The following IL7 variants were observed in gnomAD, a reference collection of about 807,000 sequenced individuals.
IL7 encodes interleukin 7.
Under a neutral mutation model 21.6 loss-of-function variants are expected in IL7, and 3 were observed. The ratio of observed to expected loss-of-function variants is 0.14; its 90% CI spans 0.06 to 0.36. The LOEUF is 0.36. IL7 is among the 10% of genes least tolerant of loss of function. The probability of loss-of-function intolerance (pLI) is 1.00; values close to 1 mark genes in which losing one functional copy is unlikely to be tolerated. For missense variants in IL7, 175 were observed against 200.2 expected (o/e 0.87, Z 0.76); for synonymous variants, 62 against 68.1 (o/e 0.91, Z 0.44).
chr8:78,706,523 C>G (rs757513366), intron 3 of IL7, among the ~76,000 whole-genome samples: 15 of 152,090 alleles, frequency 9.9e-5, no homozygotes, highest in Non-Finnish European at 1.5e-5. Flanking sequence ...TTCCCAGGGT[C>G]ACACGTTCAC....
At chr8:78,721,862 A>G (rs1811244916) in intron 3 of IL7, among the ~76,000 whole-genome samples, 1 of 152,052 alleles carries the variant, frequency 6.6e-6, no homozygotes, top group Non-Finnish European at 1.5e-5. Flanking sequence ...ATAGGAAAAT[A>G]TTTATGCAAA....
At chr8:78,782,628 G>C (rs1470886986) in intron 2 of IL7, among the ~76,000 whole-genome samples, 1 of 152,032 alleles carries the variant, frequency 6.6e-6, no homozygotes, top group Non-Finnish European at 1.5e-5. Context: ...TTGACTTCAT[G>C]TTAGTGGGAA....
chr8:78,778,979 C>T (rs1813225348), intron 2 of IL7, among the ~76,000 whole-genome samples: 1 of 152,024 alleles, frequency 6.6e-6, no homozygotes, highest in African/African-American at 2.4e-5. Flanking sequence ...AGCTGTATTC[C>T]TAAGTATTTT....
At chr8:78,714,460 A>G (rs1811037443), downstream of IL7, among the ~76,000 whole-genome samples, 1 of 152,138 alleles carries the variant, frequency 6.6e-6, no homozygotes, top group South Asian at 2.1e-4. Flanking sequence ...TTTTCTCATA[A>G]CCTTTCTATA....
At chr8:78,800,254 T>A (rs369915853) in intron 1 of IL7, among the ~76,000 whole-genome samples, 3 of 152,212 alleles carry the variant, frequency 2.0e-5, no homozygotes, top group African/African-American at 7.2e-5. Flanking sequence ...TTAACTCTTA[T>A]GGCTGAGTAG....
intron 3 of IL7, chr8:78,686,534 C>A: frequency 6.4e-7 from 1 of 1,551,988 alleles, no homozygotes; most frequent in Non-Finnish European, 8.7e-7. Context: ...ACCATAAGAG[C>A]AGCTAAAGGC....
At chr8:78,724,847 C>T (rs188424550) in intron 3 of IL7, among the ~76,000 whole-genome samples, 35 of 151,974 alleles carry the variant, frequency 2.3e-4, no homozygotes, top group African/African-American at 7.7e-4. Flanking sequence ...TGTCATTACC[C>T]GAAAGCTATT....
chr8:78,692,918 T>TC (rs1810259174), intron 3 of IL7, among the ~76,000 whole-genome samples: 1 of 152,098 alleles, frequency 6.6e-6, no homozygotes, highest in South Asian at 2.1e-4. Context: ...GGTGTGATGT[T>TC]CCCTTTCCTG....
Position 78,750,095 on chromosome 8 carries a change from C to T in IL7, c.148-10013G>A, listed in dbSNP as rs571926309. Reference sequence around the variant, plus strand: ...TGTTCTCCTTTAAAGGGCCTAAACTCAAGGGTGACTATTTTACCAGAGCCT... The same window carrying T: ...TGTTCTCCTTTAAAGGGCCTAAACTTAAGGGTGACTATTTTACCAGAGCCT... On this transcript the variant is annotated intron_variant, in intron 2 of 5. Transcript: ENST00000263851. Among the ~76,000 whole-genome samples, 5 of 152,162 alleles carry T rather than the reference C, an allele frequency of 3.3e-5. No homozygotes were observed. In the East Asian group the frequency reaches 9.7e-4, roughly 29 times the overall value.
downstream of IL7, chr8:78,717,730 A>G (rs1811150959): frequency 3.4e-6 from 1 of 295,216 alleles, no homozygotes; most frequent in Non-Finnish European, 6.2e-6. Flanking sequence ...ATATTCACTT[A>G]TCTGTCAGAA....
chr8:78,760,452 G>C (rs1315464463), intron 2 of IL7: 2 of 1,569,182 alleles, frequency 1.3e-6, no homozygotes, highest in Non-Finnish European at 1.7e-6. Flanking sequence ...ATGGTGGACG[G>C]AAGCTCTATA....
intron 2 of IL7, among the ~76,000 whole-genome samples, chr8:78,765,814 C>G (rs543203039): frequency 2.0e-5 from 3 of 152,194 alleles, no homozygotes; most frequent in Non-Finnish European, 4.4e-5. Context: ...CATAATGCAG[C>G]AATCCTTGCT....
At chr8:78,760,143 T>C (rs1812500023) in intron 2 of IL7, 1 of 1,514,356 alleles carries the variant, frequency 6.6e-7, no homozygotes, top group Non-Finnish European at 8.8e-7. Flanking sequence ...AAAAGTCTCT[T>C]AGGTATTTTC....
At chr8:78,779,530 G>A (rs993933214) in intron 2 of IL7, among the ~76,000 whole-genome samples, 1 of 152,138 alleles carries the variant, frequency 6.6e-6, no homozygotes, top group Non-Finnish European at 1.5e-5. Context: ...TTTATGTGAT[G>A]AATTACATTT....
intron 3 of IL7, among the ~76,000 whole-genome samples, chr8:78,694,639 A>G (rs1188277524): frequency 6.6e-6 from 1 of 151,998 alleles, no homozygotes; most frequent in Non-Finnish European, 1.5e-5. Flanking sequence ...TTCTTTCCTG[A>G]GCATTTTTAG....
chr8:78,717,139 A>G (rs77281638), downstream of IL7, among the ~76,000 whole-genome samples: 2,407 of 152,250 alleles, frequency 0.016, 56 homozygotes, highest in African/African-American at 0.055. Context: ...ACAGATAAAT[A>G]TAATGTTAAA....
intron 3 of IL7, among the ~76,000 whole-genome samples, chr8:78,701,330 G>T (rs962956213): frequency 2.0e-5 from 3 of 152,084 alleles, no homozygotes; most frequent in African/African-American, 7.2e-5. Flanking sequence ...AGTGATTTTT[G>T]CACATTGATT....
At chr8:78,700,087 G>A (rs982303260) in intron 3 of IL7, among the ~76,000 whole-genome samples, 10 of 152,160 alleles carry the variant, frequency 6.6e-5, no homozygotes, top group African/African-American at 2.4e-4. Context: ...CACCAGCAAT[G>A]TATAAGCATT....
chr8:78,717,464 G>T, downstream of IL7: 1 of 1,579,324 alleles, frequency 6.3e-7, no homozygotes, highest in Non-Finnish European at 8.6e-7. Context: ...ATTTTGCTGT[G>T]AATGTGGCAT....
Sources: gnomAD v4.1 joint callset for allele counts (sites outside exome capture counted in the v4.1 genomes callset) on GRCh38, gnomAD v4.1.1 for gene constraint, MANE v1.5 for transcripts, NCBI Gene and HGNC (gene_info 2026-07-23, HGNC 2026-07-21) for gene names.